The following SAR1A variants were observed in gnomAD, a reference collection of about 807,000 sequenced individuals.
SAR1A encodes the protein secretion associated Ras related GTPase 1A.
A neutral mutation model predicts 22.6 loss-of-function variants in SAR1A; 6 were observed. That is an observed-to-expected ratio of 0.27 (90% CI 0.15 to 0.52). The LOEUF is 0.52. Ranked by LOEUF, SAR1A falls within the 20% of genes least tolerant of loss-of-function variation. The pLI, the probability that SAR1A is intolerant of heterozygous loss-of-function variation, is 0.96. For synonymous variants in SAR1A, 70 were observed against 82.2 expected (o/e 0.85, Z 0.80); for missense variants, 145 against 245.1 (o/e 0.59, Z 2.73).
At position 70,150,114 on chromosome 10, in the gene SAR1A, G is replaced by A. The variant is rs1364530093; in HGVS notation, c.*2362C>T. ...CCTAAATGTCTCTTCCTCTATGCAG[G>A]GAACTTTTGGTTGCCTCCCCAAATA... is the stretch of plus-strand genomic sequence containing the variant. On this transcript the variant is annotated 3_prime_UTR_variant, in exon 7 of 7. Transcript: ENST00000373241. 1 of 151,758 alleles carries A rather than the reference G, an allele frequency of 6.6e-6. No homozygotes were observed. The highest frequency in any genetic ancestry group is 1.5e-5 in the Non-Finnish European group (1 of 67,978). 9.4% of individuals were successfully genotyped at this position (151,758 alleles called of 1,614,324 possible).
At chr10:70,163,192 C>T (rs1839499494) in intron 1 of SAR1A, among the ~76,000 whole-genome samples, 1 of 152,124 alleles carries the variant, frequency 6.6e-6, no homozygotes, top group Non-Finnish European at 1.5e-5. Context: ...GCTACTCCAG[C>T]AAACCCATGA....
rs201493587 is a variant in SAR1A, at chr10:70,151,259, C to CAAAAAAAAAAAAAAAAAAAAAAAAA, written c.*1192_*1216dup. The CAAAAAAAAAAAAAAAAAAAAAAAAA allele has an allele frequency of 1.4e-4, 10 of 70,368 alleles. 1 individual carries two copies. The highest frequency in any genetic ancestry group is 1.8e-4 in the Non-Finnish European group (7 of 38,024). 4.4% of individuals were successfully genotyped at this position (70,368 alleles called of 1,614,324 possible). A position where few individuals can be genotyped will look rare whatever the true frequency, so the allele number is the denominator to read the frequency against. ...GCAATGGAGAAAGACAATTTCATAC[C>CAAAAAAAAAAAAAAAAAAAAAAAAA]AAAAAAAAAAAAAAAAAAAAAAAAA... is the stretch of plus-strand genomic sequence containing the variant. On this transcript the variant is annotated 3_prime_UTR_variant, in exon 7 of 7. Coordinates refer to ENST00000373241, the MANE Select transcript of SAR1A (RefSeq NM_020150.5).
At chr10:70,155,243 A>G (rs1839372447) in intron 5 of SAR1A, 1 of 401,058 alleles carries the variant, frequency 2.5e-6, no homozygotes, top group South Asian at 1.9e-5. Flanking sequence ...CTTAAGGTAG[A>G]GCATTCAATG....
Position 70,152,348 on chromosome 10 carries a change from G to C in SAR1A, c.*128C>G. The C allele has an allele frequency of 6.5e-6, 6 of 918,112 alleles. No homozygotes were observed. Among genetic ancestry groups the C allele is most frequent in the Non-Finnish European group, 1.0e-5 (6 of 576,320 alleles). The allele number at this position is 918,112 out of a possible 1,614,324, so 56.9% of individuals were successfully genotyped here. ...ACTGGGCAATGAGAGAGTTGACAGA[G>C]ACTCTTGGCTTCTCAACGCCAGACA... On this transcript the variant is annotated 3_prime_UTR_variant, in exon 7 of 7. Coordinates refer to ENST00000373241, the MANE Select transcript of SAR1A (RefSeq NM_020150.5).
chr10:70,159,636 C>CA (rs1432370299), intron 4 of SAR1A, among the ~76,000 whole-genome samples: 7 of 151,384 alleles, frequency 4.6e-5, no homozygotes, highest in East Asian at 1.9e-4. Flanking sequence ...GACCCCATCT[C>CA]AAAAAAAAGA....
intron 4 of SAR1A, among the ~76,000 whole-genome samples, chr10:70,160,652 G>T (rs1464643923): frequency 6.6e-6 from 1 of 152,094 alleles, no homozygotes; most frequent in Non-Finnish European, 1.5e-5. Flanking sequence ...GATTAAAATG[G>T]CAAGATGCTG....
chr10:70,161,577 AC>A, intron 3 of SAR1A, 41 bp downstream of exon 3: 4 of 1,609,402 alleles, frequency 2.5e-6, no homozygotes, highest in Non-Finnish European at 3.4e-6. Context: ...CCTAACACTG[AC>A]CTTTAAAGAT....
chr10:70,157,041 A>G (rs942241412), intron 5 of SAR1A, among the ~76,000 whole-genome samples: 1 of 152,202 alleles, frequency 6.6e-6, no homozygotes, highest in Non-Finnish European at 1.5e-5. Context: ...CTGAGAATGC[A>G]GATTCAAAAA....
At chr10:70,164,877 C>T (rs184263400) in intron 1 of SAR1A, among the ~76,000 whole-genome samples, 13 of 152,316 alleles carry the variant, frequency 8.5e-5, no homozygotes, top group Admixed American at 6.5e-4. Context: ...TCATTGACAA[C>T]GCACCTGGTC....
chr10:70,162,933 T>G (rs1466526173), intron 1 of SAR1A: 1 of 152,274 alleles, frequency 6.6e-6, no homozygotes. Flanking sequence ...ATTGTTTTGT[T>G]GTGCCACAAA....
intron 6 of SAR1A, 126 bp downstream of exon 6, chr10:70,153,712 C>A: frequency 1.4e-6 from 1 of 690,558 alleles, no homozygotes. Flanking sequence ...TTACAAAATA[C>A]TCACAGTAAA....
At chr10:70,160,965 T>A (rs545706799) in intron 4 of SAR1A, 39 bp downstream of exon 4, 1 of 1,485,946 alleles carries the variant, frequency 6.7e-7, no homozygotes, top group Admixed American at 2.0e-5. Context: ...ACAAAAAAAA[T>A]AAGTCAATAA....
intron 3 of SAR1A, chr10:70,161,312 G>A (rs1441784082): frequency 1.8e-6 from 1 of 550,070 alleles, no homozygotes. Context: ...AGGAATACAA[G>A]GGTGAAATGT....
At chr10:70,167,295 A>G (rs1482678257) in intron 1 of SAR1A, 3 of 152,202 alleles carry the variant, frequency 2.0e-5, no homozygotes, top group East Asian at 3.9e-4. Flanking sequence ...GAAGGTCCAC[A>G]CTTTTACTCC....
At chr10:70,162,956 A>G (rs1450085851) in intron 1 of SAR1A, 1 of 152,258 alleles carries the variant, frequency 6.6e-6, no homozygotes. Context: ...ACAACCATAG[A>G]AGACAGCAAA....
At chr10:70,153,160 T>C (rs1839347227) in intron 6 of SAR1A, among the ~76,000 whole-genome samples, 1 of 152,200 alleles carries the variant, frequency 6.6e-6, no homozygotes, top group African/African-American at 2.4e-5. Context: ...GGAAGATATT[T>C]AAAAACTAAA....
intron 1 of SAR1A, chr10:70,163,897 T>A: frequency 6.2e-7 from 1 of 1,600,864 alleles, no homozygotes; most frequent in East Asian, 2.2e-5. Context: ...TTTCTGACAA[T>A]GATGGCAAGA....
chr10:70,168,830 G>A (rs1178693972), intron 1 of SAR1A, among the ~76,000 whole-genome samples: 1 of 150,952 alleles, frequency 6.6e-6, no homozygotes, highest in Non-Finnish European at 1.5e-5. Flanking sequence ...AAATGCCCCC[G>A]CCCCCCTTTT....
In SAR1A at chr10:70,148,425, T is replaced by C. The variant is rs1447429619; in HGVS notation, c.*4051A>G. On this transcript the variant is annotated 3_prime_UTR_variant, in exon 7 of 7. Transcript: ENST00000373241. ...CTTGCCATAGCAGGCGGTCTTCTTT[T>C]GGTTCTATGACACAGAAGGTGGCTT... 1 of 152,184 alleles carries C rather than the reference T, an allele frequency of 6.6e-6. No homozygotes were observed. Among genetic ancestry groups the C allele is most frequent in the East Asian group, 1.9e-4 (1 of 5,196 alleles). 9.4% of individuals were successfully genotyped at this position (152,184 alleles called of 1,614,324 possible). A position where few individuals can be genotyped will look rare whatever the true frequency, so the allele number is the denominator to read the frequency against.
Sources: gnomAD v4.1 joint callset for allele counts (sites outside exome capture counted in the v4.1 genomes callset) on GRCh38, gnomAD v4.1.1 for gene constraint, MANE v1.5 for transcripts, NCBI Gene and HGNC (gene_info 2026-07-23, HGNC 2026-07-21) for gene names.